GRID2: variants seen among roughly 807,000 people sequenced by gnomAD.
GRID2 encodes the protein glutamate ionotropic receptor delta type subunit 2.
GRID2 carries 33 observed loss-of-function variants against 114.8 expected under a neutral mutation model. The observed-to-expected ratio is 0.29, with a 90% CI of 0.22 to 0.38. The LOEUF (loss-of-function observed/expected upper bound fraction) is 0.38. Among genes scored for constraint, GRID2 ranks in the 10% least tolerant of loss-of-function variants. GRID2 has a pLI of 1.00. For synonymous variants in GRID2, 505 were observed against 449.9 expected, an observed-to-expected ratio of 1.12 and a Z score of -1.55; for missense variants, 1,184 against 1,257.7, an observed-to-expected ratio of 0.94 and a Z score of 0.89.
At chr4:92,813,663 C>G (rs1029782854) in intron 2 of GRID2, among the ~76,000 whole-genome samples, 1 of 152,062 alleles carries the variant, frequency 6.6e-6, no homozygotes, top group Non-Finnish European at 1.5e-5. Context: ...CGCACGCACA[C>G]ACACACACAT....
chr4:92,491,310 A>T (rs889619782), intron 1 of GRID2, among the ~76,000 whole-genome samples: 1 of 152,248 alleles, frequency 6.6e-6, no homozygotes, highest in Admixed American at 6.5e-5. Flanking sequence ...AATATCAGCT[A>T]TGCTTCCAGT....
At chr4:92,531,163 C>T (rs1725337895) in intron 1 of GRID2, among the ~76,000 whole-genome samples, 1 of 152,014 alleles carries the variant, frequency 6.6e-6, no homozygotes, top group Admixed American at 6.6e-5. Flanking sequence ...TTGCTAATCA[C>T]TGGAGCTTAG....
At chr4:93,578,587 ATTTTTTTTTT>A (rs59397408) in intron 13 of GRID2, among the ~76,000 whole-genome samples, 1 of 83,926 alleles carries the variant, frequency 1.2e-5, no homozygotes, top group Non-Finnish European at 2.2e-5. Flanking sequence ...TGTTTTTTGT[ATTTTTTTTTT>A]TTTTTTTTTT....
At chr4:92,484,654 A>C (rs1722779365) in intron 1 of GRID2, among the ~76,000 whole-genome samples, 1 of 152,118 alleles carries the variant, frequency 6.6e-6, no homozygotes, top group Non-Finnish European at 1.5e-5. Context: ...GAAGCAGTAC[A>C]TCAGAATAAG....
chr4:92,683,787 AAAAT>A (rs1560530882), intron 2 of GRID2, among the ~76,000 whole-genome samples: 1 of 151,940 alleles, frequency 6.6e-6, no homozygotes, highest in East Asian at 1.9e-4. Context: ...ATTTAAAGCA[AAAAT>A]AAATTCAGTT....
chr4:92,762,816 T>A (rs1738083808), intron 2 of GRID2, among the ~76,000 whole-genome samples: 2 of 152,208 alleles, frequency 1.3e-5, no homozygotes, highest in South Asian at 2.1e-4. Flanking sequence ...TTGTGGCATC[T>A]TTCCCAGCCA....
intron 1 of GRID2, among the ~76,000 whole-genome samples, chr4:93,788,150 C>T (rs987421187): frequency 3.1e-4 from 47 of 152,134 alleles, no homozygotes; most frequent in African/African-American, 1.1e-3. Flanking sequence ...AACCCCGTCT[C>T]TACTAAAAAT....
intron 2 of GRID2, among the ~76,000 whole-genome samples, chr4:92,630,544 G>A (rs62307957): frequency 0.047 from 7,171 of 152,104 alleles, 211 homozygotes; most frequent in East Asian, 0.095. Flanking sequence ...CCTCTCTTTA[G>A]TTCTTCCACA....
intron 14 of GRID2, among the ~76,000 whole-genome samples, chr4:93,703,052 ATAT>A (rs1727648114): frequency 6.6e-6 from 1 of 152,156 alleles, no homozygotes; most frequent in Admixed American, 6.6e-5. Context: ...CTCTTACTTG[ATAT>A]TATCACACTG....
chr4:92,769,068 T>A (rs1738406968), intron 2 of GRID2, among the ~76,000 whole-genome samples: 1 of 152,198 alleles, frequency 6.6e-6, no homozygotes. Context: ...CTTCTGCCTA[T>A]GAGCCTGTGA....
At chr4:92,548,219 T>G (rs1222962963) in intron 1 of GRID2, among the ~76,000 whole-genome samples, 1 of 152,034 alleles carries the variant, frequency 6.6e-6, no homozygotes, top group Admixed American at 6.6e-5. Context: ...CACTACTCGC[T>G]GAGGACAAGG....
At chr4:93,544,454 T>C (rs1488031416) in intron 13 of GRID2, among the ~76,000 whole-genome samples, 2 of 152,094 alleles carry the variant, frequency 1.3e-5, no homozygotes, top group African/African-American at 4.8e-5. Flanking sequence ...TATTCTAAAA[T>C]TTAGCCATAA....
At chr4:92,650,976 G>C (rs142067366) in intron 2 of GRID2, among the ~76,000 whole-genome samples, 2,176 of 152,106 alleles carry the variant, frequency 0.014, 30 homozygotes, top group South Asian at 0.031. Context: ...GCTGCCTCAG[G>C]ATGATGGGAA....
chr4:92,325,242 C>A lies in GRID2; in HGVS notation c.88+20498C>A, dbSNP rs900004102. On this transcript the variant is annotated intron_variant, in intron 1 of 15. Transcript: ENST00000282020. ...CTTATGGACAATTAATTTTAACCTT[C>A]TTTACCGTAGTGTTTTTATATGTAA... Among the ~76,000 whole-genome samples, 9 of 151,834 alleles carry A rather than the reference C, an allele frequency of 5.9e-5. No homozygotes were observed. The South Asian group carries it at 6.2e-4, about 10-fold the overall frequency.
At chr4:92,600,039 T>TAAATATATAA in intron 2 of GRID2, among the ~76,000 whole-genome samples, 1 of 80,510 alleles carries the variant, frequency 1.2e-5, no homozygotes, top group East Asian at 3.4e-4. Flanking sequence ...TGTGTGTGTG[T>TAAATATATAA]GTGTGTATAT....
intron 2 of GRID2, among the ~76,000 whole-genome samples, chr4:92,938,330 C>T (rs1193920329): frequency 1.4e-5 from 2 of 146,546 alleles, no homozygotes; most frequent in African/African-American, 4.8e-5. Context: ...TATGGCCCAT[C>T]TTTCTGGTTT....
intron 8 of GRID2, among the ~76,000 whole-genome samples, chr4:93,324,516 G>T (rs1036873325): frequency 2.0e-5 from 3 of 152,090 alleles, no homozygotes; most frequent in South Asian, 2.1e-4. Flanking sequence ...TTGAGTCTCT[G>T]CCAGCCTTTG....
chr4:92,680,519 A>AG (rs1485812259), intron 2 of GRID2, among the ~76,000 whole-genome samples: 1 of 152,282 alleles, frequency 6.6e-6, no homozygotes, highest in African/African-American at 2.4e-5. Context: ...AGTAAAAGAA[A>AG]GGGGGTAATT....
intron 1 of GRID2, among the ~76,000 whole-genome samples, chr4:92,379,213 A>AT (rs5860273): frequency 6.6e-6 from 1 of 151,478 alleles, no homozygotes. Context: ...ATAAAGTTTA[A>AT]TTTTTTTTAC....
Sources: gnomAD v4.1 joint callset for allele counts (sites outside exome capture counted in the v4.1 genomes callset) on GRCh38, gnomAD v4.1.1 for gene constraint, MANE v1.5 for transcripts, NCBI Gene and HGNC (gene_info 2026-07-23, HGNC 2026-07-21) for gene names.